Variants in LTN1 observed in about 807,000 individuals in gnomAD.
LTN1 encodes listerin E3 ubiquitin protein ligase 1, also known as E3 ubiquitin-protein ligase listerin.
In LTN1, 88 loss-of-function variants were observed where a neutral mutation model predicts 201.2. The ratio of observed to expected loss-of-function variants is 0.44; its 90% CI spans 0.37 to 0.52. LTN1 has a LOEUF of 0.52. Ranked by LOEUF, LTN1 falls within the 20% of genes least tolerant of loss-of-function variation. The pLI is 0.00. For missense variants in LTN1, 1,752 were observed against 2,038.7 expected, an observed-to-expected ratio of 0.86 and a Z score of 2.71; for synonymous variants, 645 against 713.5, an observed-to-expected ratio of 0.90 and a Z score of 1.53.
intron 14 of LTN1, among the ~76,000 whole-genome samples, chr21:28,958,101 T>C (rs2084441443): frequency 6.6e-6 from 1 of 152,110 alleles, no homozygotes; most frequent in South Asian, 2.1e-4. Flanking sequence ...TTTGGAAAAA[T>C]TCGTTTGGGT....
intron 18 of LTN1, among the ~76,000 whole-genome samples, chr21:28,951,802 T>C (rs1186053656): frequency 6.6e-6 from 1 of 152,018 alleles, no homozygotes; most frequent in Non-Finnish European, 1.5e-5. Context: ...CAAGACACCA[T>C]CCCTACAAAA....
chr21:28,971,228 T>C, intron 7 of LTN1, 43 bp downstream of exon 7: 1 of 1,450,224 alleles, frequency 6.9e-7, no homozygotes, highest in Non-Finnish European at 9.3e-7. Flanking sequence ...TCTTATCTCA[T>C]AGGTTCATTC....
intron 11 of LTN1, among the ~76,000 whole-genome samples, chr21:28,961,042 G>T (rs1018532308): frequency 3.4e-5 from 5 of 146,300 alleles, no homozygotes; most frequent in Non-Finnish European, 7.4e-5. Context: ...AGCCCACAAT[G>T]ATCACTGCTT....
At position 28,928,375 on chromosome 21, in the gene LTN1, C is replaced by A. The variant is rs888666457; in HGVS notation, c.*2073G>T. 3 of 152,386 alleles carry A rather than the reference C, an allele frequency of 2.0e-5. No homozygotes were observed. Among genetic ancestry groups the A allele is most frequent in the Admixed American group, 6.5e-5 (1 of 15,270 alleles). 9.4% of individuals were successfully genotyped at this position (152,386 alleles called of 1,614,324 possible). A position where few individuals can be genotyped will look rare whatever the true frequency, so the allele number is the denominator to read the frequency against. Reference sequence around the variant, plus strand: ...CAACATATTATTTAAGCCACAGACACTTATGTACATACATTGGAGCATGTG... The same window carrying A: ...CAACATATTATTTAAGCCACAGACAATTATGTACATACATTGGAGCATGTG... On this transcript the variant is annotated 3_prime_UTR_variant, in exon 30 of 30. Transcript: ENST00000361371.
In LTN1 at chr21:28,945,801, A is replaced by C; in HGVS notation, c.3768+6T>G. ...CAAGAGGTGATGACATATCGGGTTA[A>C]TTTACCTCCAACCAAGCCAACATGG... On this transcript the variant is annotated splice_donor_region_variant and intron_variant, in intron 21 of 29. Coordinates refer to ENST00000361371, the MANE Select transcript of LTN1 (RefSeq NM_015565.3). 1 of 1,611,808 alleles carries C rather than the reference A, an allele frequency of 6.2e-7. No individual in the cohort carries two copies. The highest frequency in any genetic ancestry group is 8.5e-7 in the Non-Finnish European group (1 of 1,178,810).
chr21:28,938,818 G>C (rs947416751), intron 25 of LTN1, among the ~76,000 whole-genome samples: 3 of 152,104 alleles, frequency 2.0e-5, no homozygotes, highest in African/African-American at 7.2e-5. Flanking sequence ...ATAAAAGCCA[G>C]ACACAAAAGA....
At position 28,986,244 on chromosome 21, in the gene LTN1, G is replaced by A; in HGVS notation, c.247-7C>T. 1 of 1,522,830 alleles carries A rather than the reference G, an allele frequency of 6.6e-7. No homozygotes were observed. The highest frequency in any genetic ancestry group is 9.1e-7 in the Non-Finnish European group (1 of 1,098,288). 94.3% of individuals were successfully genotyped at this position (1,522,830 alleles called of 1,614,324 possible). ...TTCCAAATTCCTGCATAGCCTAAAA[G>A]TAAGTTATTAACATCATTAGGATTA... On this transcript the variant is annotated splice_region_variant and splice_polypyrimidine_tract_variant and intron_variant, in intron 2 of 29. Transcript: ENST00000361371. This position sits in a 1 kb window ranked among gnomAD's most constrained non-coding sequence, Gnocchi z 4.1.
At chr21:28,952,075 C>A (rs1220218526) in intron 18 of LTN1, 85 bp downstream of exon 18, 2 of 689,712 alleles carry the variant, frequency 2.9e-6, no homozygotes, top group Non-Finnish European at 4.8e-6. Context: ...TTTCTTGATT[C>A]ATTAGAAATT....
intron 27 of LTN1, 111 bp from the exon 28 acceptor site, chr21:28,932,775 G>T (rs2084221649): frequency 4.6e-6 from 3 of 652,596 alleles, no homozygotes; most frequent in Non-Finnish European, 7.9e-6. Context: ...GACAGTGCAG[G>T]TAAATACATT....
At chr21:28,938,371 T>C (rs981949155) in intron 25 of LTN1, among the ~76,000 whole-genome samples, 6 of 152,162 alleles carry the variant, frequency 3.9e-5, no homozygotes, top group Non-Finnish European at 7.4e-5. Context: ...ACAGAGAAAG[T>C]ATGTGCAAAT....
At chr21:28,961,072 A>G (rs974282463) in intron 11 of LTN1, among the ~76,000 whole-genome samples, 2 of 151,856 alleles carry the variant, frequency 1.3e-5, no homozygotes, top group African/African-American at 4.8e-5. Context: ...TTTCTAAAGC[A>G]CTTACTGGAT....
intron 6 of LTN1, 107 bp from the exon 7 acceptor site, chr21:28,971,551 C>A: frequency 2.2e-6 from 2 of 921,680 alleles, no homozygotes; most frequent in Non-Finnish European, 3.2e-6. Flanking sequence ...ACTAAGAAAA[C>A]TAAAATAGCT....
intron 11 of LTN1, 56 bp downstream of exon 11, chr21:28,965,806 TATA>T: frequency 1.0e-6 from 1 of 973,652 alleles, no homozygotes; most frequent in Admixed American, 2.7e-5. Context: ...GGACTACGGT[TATA>T]ATATTTCTAT....
At chr21:28,991,931 C>G (rs2084749471) in intron 1 of LTN1, among the ~76,000 whole-genome samples, 1 of 152,216 alleles carries the variant, frequency 6.6e-6, no homozygotes, top group South Asian at 2.1e-4. Context: ...TTACACGAAT[C>G]CACTTTAAGG....
At chr21:28,964,628 A>G in intron 11 of LTN1, 2 of 1,549,974 alleles carry the variant, frequency 1.3e-6, no homozygotes, top group Non-Finnish European at 1.7e-6. Context: ...GAAGCTGCCT[A>G]GCTGTAAGGA....
At chr21:28,983,745 C>T (rs925207092) in intron 4 of LTN1, among the ~76,000 whole-genome samples, 1 of 152,166 alleles carries the variant, frequency 6.6e-6, no homozygotes, top group Non-Finnish European at 1.5e-5. Flanking sequence ...GGGTTATACA[C>T]AGGGTGTTGT....
chr21:28,948,882 C>A (rs2084361968), intron 18 of LTN1, among the ~76,000 whole-genome samples: 1 of 152,106 alleles, frequency 6.6e-6, no homozygotes, highest in Non-Finnish European at 1.5e-5. Flanking sequence ...TGTATAAACA[C>A]CTCTTTAGGC....
intron 17 of LTN1, 150 bp from the exon 18 acceptor site, chr21:28,952,414 G>A (rs1258059389): frequency 3.8e-5 from 19 of 505,950 alleles, no homozygotes; most frequent in Middle Eastern, 4.9e-4. Flanking sequence ...CCAAGCAACT[G>A]CCAGTAATTA....
Position 28,969,454 on chromosome 21 carries a change from C to T in LTN1, c.1311+12G>A. On this transcript the variant is annotated intron_variant, in intron 9 of 29. Coordinates refer to ENST00000361371, the MANE Select transcript of LTN1 (RefSeq NM_015565.3). ...TATGCAAAGAGACTGACGACTTTTA[C>T]ATTATAGATACCTGATCATTGACGA... The T allele has an allele frequency of 1.2e-6, 2 of 1,601,308 alleles. No individual in the cohort carries two copies. The highest frequency in any genetic ancestry group is 1.7e-6 in the Non-Finnish European group (2 of 1,176,232).
Sources: allele counts gnomAD v4.1 joint callset (sites outside exome capture counted in the v4.1 genomes callset), GRCh38; gene constraint gnomAD v4.1.1; non-coding constraint Gnocchi (gnomAD v3.1); transcripts MANE v1.5; gene names NCBI Gene and HGNC (gene_info 2026-07-23, HGNC 2026-07-21).